The following DNAH6 variants were observed in gnomAD, a reference collection of about 807,000 sequenced individuals.
DNAH6 encodes dynein axonemal heavy chain 6, also known as axonemal beta dynein heavy chain 6.
In DNAH6, 340 loss-of-function variants were observed where a neutral mutation model predicts 491.4. That is an observed-to-expected ratio of 0.69 (90% CI 0.63 to 0.76). The LOEUF is 0.76. DNAH6 is among the 30% of genes least tolerant of loss of function. The pLI is 0.00. For missense variants in DNAH6, 4,443 were observed against 4,972.2 expected (o/e 0.89, Z 3.20); for synonymous variants, 1,603 against 1,686.1 (o/e 0.95, Z 1.21).
the DNAH6 span, among the ~76,000 whole-genome samples, chr2:84,486,003 C>T: frequency 6.6e-6 from 1 of 152,122 alleles, no homozygotes; most frequent in African/African-American, 2.4e-5. Flanking sequence ...CAAAAATCTT[C>T]ATTCCTCATA....
the DNAH6 span, among the ~76,000 whole-genome samples, chr2:84,493,212 A>G: frequency 6.6e-6 from 1 of 152,184 alleles, no homozygotes; most frequent in African/African-American, 2.4e-5. Flanking sequence ...GCTCTGTGCT[A>G]TATGTAGATA....
At chr2:84,636,845 G>A (rs1688928388) in intron 30 of DNAH6, among the ~76,000 whole-genome samples, 1 of 151,866 alleles carries the variant, frequency 6.6e-6, no homozygotes, top group African/African-American at 2.4e-5. Flanking sequence ...AGTGAGCTCT[G>A]ATCATGCCAC....
chr2:84,577,133 C>A, intron 12 of DNAH6, 124 bp from the exon 13 acceptor site: 1 of 521,022 alleles, frequency 1.9e-6, no homozygotes, highest in South Asian at 5.7e-5. Context: ...ACTCTAAGTA[C>A]AGATAATAAC....
chr2:84,620,382 A>G (rs1271252697), intron 24 of DNAH6, among the ~76,000 whole-genome samples: 1 of 152,212 alleles, frequency 6.6e-6, no homozygotes, highest in Non-Finnish European at 1.5e-5. Flanking sequence ...TGCTGGCAGC[A>G]GCATCTCCAG....
chr2:84,603,034 C>T (rs1685417268), intron 18 of DNAH6, among the ~76,000 whole-genome samples: 1 of 151,936 alleles, frequency 6.6e-6, no homozygotes, highest in African/African-American at 2.4e-5. Context: ...CCATTAGAAC[C>T]TTTAACATGT....
chr2:84,754,114 G>A (rs190665053), intron 63 of DNAH6, among the ~76,000 whole-genome samples: 67 of 151,914 alleles, frequency 4.4e-4, no homozygotes, highest in African/African-American at 5.5e-4. Flanking sequence ...GAGCCACCAC[G>A]CCTGGCCTTG....
chr2:84,578,655 A>T (rs1054515864), intron 13 of DNAH6, among the ~76,000 whole-genome samples: 4 of 152,202 alleles, frequency 2.6e-5, no homozygotes, highest in Non-Finnish European at 5.9e-5. Context: ...GGTTCTGAGT[A>T]CACGTCTCTC....
At chr2:84,581,035 C>A (rs570946991) in intron 14 of DNAH6, among the ~76,000 whole-genome samples, 1 of 152,214 alleles carries the variant, frequency 6.6e-6, no homozygotes, top group Admixed American at 6.5e-5. Context: ...AGCTCCCAAG[C>A]TATAGCTTGC....
chr2:84,608,588 G>A (rs997344035), intron 21 of DNAH6, among the ~76,000 whole-genome samples: 6 of 152,126 alleles, frequency 3.9e-5, no homozygotes, highest in Non-Finnish European at 5.9e-5. Context: ...TAAGCAGTAG[G>A]TCTCAACAGT....
chr2:84,604,739 T>C (rs1685588079), intron 19 of DNAH6, among the ~76,000 whole-genome samples, 188 bp downstream of exon 19: 1 of 152,168 alleles, frequency 6.6e-6, no homozygotes. Context: ...TCCTTCTGCT[T>C]ATCCTATAAC....
At chr2:84,649,531 G>A (rs1690217202) in intron 33 of DNAH6, among the ~76,000 whole-genome samples, 1 of 152,052 alleles carries the variant, frequency 6.6e-6, no homozygotes, top group Non-Finnish European at 1.5e-5. Flanking sequence ...TCATTCCAGA[G>A]GGATATTTCC....
At chr2:84,818,989 C>G (rs1680773176) in intron 76 of DNAH6, among the ~76,000 whole-genome samples, 1 of 152,128 alleles carries the variant, frequency 6.6e-6, no homozygotes, top group Non-Finnish European at 1.5e-5. Flanking sequence ...AGGAGAATCA[C>G]TTGAACCCAG....
At chr2:84,541,367 G>A (rs894431488) in intron 4 of DNAH6, among the ~76,000 whole-genome samples, 1 of 152,126 alleles carries the variant, frequency 6.6e-6, no homozygotes, top group African/African-American at 2.4e-5. Flanking sequence ...TCTACCTACC[G>A]ACTGGATTGG....
In DNAH6 at chr2:84,584,074, C is replaced by A. The variant is rs772816080; in HGVS notation, c.2305C>A (p.Pro769Thr). 2.5e-6 allele frequency: 4 copies of A among 1,614,008 alleles called. No individual in the cohort carries two copies. The highest frequency in any genetic ancestry group is 1.1e-5 in the South Asian group (1 of 91,082). Reference sequence around the variant, plus strand: ...TATGGAACAATATCAGGTGCCCACACCTCCTGAAGACTTTGCTGTTTTTGC... The same window carrying A: ...TATGGAACAATATCAGGTGCCCACAACTCCTGAAGACTTTGCTGTTTTTGC... ...KLMEQYQVPT[P>T]PEDFAVFATM... is the part of the protein sequence containing the mutation. The change falls in exon 15 of 77, where the codon CCT (proline) becomes ACT (threonine). Residue 769 changes from proline to threonine, a missense_variant. By Grantham distance (38) the Pro-to-Thr change is conservative. Around this residue, in one of 3 missense-constraint regions of DNAH6, gnomAD observed 2,977 missense variants for 3,296.6 expected, o/e 0.90. Coordinates refer to ENST00000389394, the MANE Select transcript of DNAH6 (RefSeq NM_001370.2).
chr2:84,674,084 A>G (rs750359552), intron 40 of DNAH6, among the ~76,000 whole-genome samples: 3 of 152,138 alleles, frequency 2.0e-5, no homozygotes, highest in Non-Finnish European at 4.4e-5. Context: ...GGCGGGGGGC[A>G]TGTTTCGTTT....
chr2:84,602,482 C>CTT (rs3029846), intron 18 of DNAH6, among the ~76,000 whole-genome samples: 361 of 32,026 alleles, frequency 0.011, 43 homozygotes, highest in African/African-American at 0.048. Flanking sequence ...TGTTGTGTCC[C>CTT]TTTTTTTTTT....
At chr2:84,695,003 G>A (rs942778407) in intron 46 of DNAH6, among the ~76,000 whole-genome samples, 2 of 152,042 alleles carry the variant, frequency 1.3e-5, no homozygotes, top group Non-Finnish European at 2.9e-5. Flanking sequence ...AACCCATCTA[G>A]AAATTAGCCA....
At chr2:84,611,284 G>C (rs1462883105) in intron 21 of DNAH6, among the ~76,000 whole-genome samples, 1 of 152,104 alleles carries the variant, frequency 6.6e-6, no homozygotes, top group African/African-American at 2.4e-5. Context: ...ACATGGTTGA[G>C]ATAAAAGAAA....
chr2:84,558,027 T>A, intron 11 of DNAH6, 92 bp downstream of exon 11: 1 of 862,094 alleles, frequency 1.2e-6, no homozygotes, highest in Non-Finnish European at 1.7e-6. Context: ...CTTTAAATGT[T>A]CTACATGTGA....
Sources: allele counts gnomAD v4.1 joint callset (sites outside exome capture counted in the v4.1 genomes callset), GRCh38; gene constraint gnomAD v4.1.1; regional missense constraint gnomAD v4.1.1; transcripts MANE v1.5; gene names NCBI Gene and HGNC (gene_info 2026-07-23, HGNC 2026-07-21).